Variants in SEC31A observed in about 807,000 individuals in gnomAD.
SEC31A encodes the protein protein transport protein Sec31A.
Under a neutral mutation model 151.0 loss-of-function variants are expected in SEC31A, and 70 were observed. The ratio of observed to expected loss-of-function variants is 0.46; its 90% confidence interval spans 0.38 to 0.57. The LOEUF (loss-of-function observed/expected upper bound fraction) is 0.57. SEC31A is among the 20% of genes least tolerant of loss of function. The pLI is 0.00. For synonymous variants in SEC31A, 475 were observed against 505.9 expected (o/e 0.94, Z 0.82); for missense variants, 1,330 against 1,471.2 (o/e 0.90, Z 1.57).
chr4:82,870,302 T>G, intron 8 of SEC31A, 23 bp downstream of exon 8: 15 of 1,573,040 alleles, frequency 9.5e-6, no homozygotes, highest in Non-Finnish European at 1.3e-5. Flanking sequence ...GCTACAAGGT[T>G]GAGACACATT....
intron 1 of SEC31A, among the ~76,000 whole-genome samples, chr4:82,888,101 G>T (rs1417407958): frequency 6.6e-6 from 1 of 151,488 alleles, no homozygotes; most frequent in Non-Finnish European, 1.5e-5. Context: ...TTAGCCAGGC[G>T]CAGTGGCTCA....
chr4:82,827,745 A>G, intron 23 of SEC31A, 113 bp from the exon 24 acceptor site: 1 of 969,274 alleles, frequency 1.0e-6, no homozygotes, highest in Non-Finnish European at 1.6e-6. Context: ...AAATTTTTTA[A>G]TAGTAGTAGA....
chr4:82,898,600 C>A (rs931147934), intron 3 of SEC31A, among the ~76,000 whole-genome samples: 1 of 152,192 alleles, frequency 6.6e-6, no homozygotes, highest in Admixed American at 6.5e-5. Flanking sequence ...GAAAACAGCC[C>A]TCATTTCAGA....
chr4:82,880,675 A>T lies in SEC31A; in HGVS notation c.203+124T>A, dbSNP rs528802273. On this transcript the variant is annotated intron_variant, in intron 3 of 26. Transcript: ENST00000395310. Reference sequence around the variant, plus strand: ...AAATTCACTCACATGCTTTTTCACAAAATATTTCATGTTCTTGATGGTATT... The same window carrying T: ...AAATTCACTCACATGCTTTTTCACATAATATTTCATGTTCTTGATGGTATT... 4 of 836,528 alleles carry T rather than the reference A, an allele frequency of 4.8e-6. No homozygotes were observed. In the South Asian group the frequency reaches 7.4e-5, roughly 15 times the overall value. The allele number at this position is 836,528 out of a possible 1,614,324, so 51.8% of individuals were successfully genotyped here. A position where few individuals can be genotyped will look rare whatever the true frequency, so the allele number is the denominator to read the frequency against.
chr4:82,854,213 A>G (rs1191250717), intron 17 of SEC31A, among the ~76,000 whole-genome samples: 1 of 152,128 alleles, frequency 6.6e-6, no homozygotes, highest in Non-Finnish European at 1.5e-5. Context: ...AAAATGCAAA[A>G]CTAGCCAGGC....
At chr4:82,839,405 C>G (rs1482723712) in intron 22 of SEC31A, among the ~76,000 whole-genome samples, 1 of 152,224 alleles carries the variant, frequency 6.6e-6, no homozygotes, top group Admixed American at 6.5e-5. Context: ...CCCGCCTTGG[C>G]CTCCCAAAGT....
At position 82,851,415 on chromosome 4, in the gene SEC31A, G is replaced by A; in HGVS notation, c.2328+16C>T. ...CACCTTACTCAAACATTACAAAAAT[G>A]GTCAATTCTAATTACCTGGTTGGTG... On this transcript the variant is annotated intron_variant, in intron 19 of 26. Coordinates refer to ENST00000395310, the MANE Select transcript of SEC31A (RefSeq NM_001077207.4). 1.9e-6 allele frequency: 3 copies of A among 1,601,262 alleles called. No individual in the cohort carries two copies. Among genetic ancestry groups the A allele is most frequent in the South Asian group, 2.2e-5 (2 of 89,780 alleles).
At chr4:82,851,375 G>T in intron 19 of SEC31A, 56 bp downstream of exon 19, 1 of 1,393,544 alleles carries the variant, frequency 7.2e-7, no homozygotes, top group Non-Finnish European at 1.0e-6. Flanking sequence ...AATGCTAAGT[G>T]TTATCTACTG....
upstream of SEC31A, chr4:82,900,568 G>C (rs1720276844): frequency 1.8e-6 from 1 of 550,522 alleles, no homozygotes; most frequent in Non-Finnish European, 3.2e-6. Flanking sequence ...GCGGTCAAAT[G>C]CACGTCTTCA....
Position 82,844,381 on chromosome 4 carries a change from C to T in SEC31A, c.2626+5G>A, listed in dbSNP as rs755943757. The T allele has an allele frequency of 6.2e-7, 1 of 1,613,742 alleles. No homozygotes were observed. The highest frequency in any genetic ancestry group is 2.2e-5 in the East Asian group (1 of 44,864). ...CTGAAAGGACTTTGGGGTCACACTA[C>T]TTACGCTGTGGCTGTGGATAAGGTG... On this transcript the variant is annotated splice_donor_5th_base_variant and intron_variant, in intron 21 of 26. Coordinates refer to ENST00000395310, the MANE Select transcript of SEC31A (RefSeq NM_001077207.4).
intron 7 of SEC31A, among the ~76,000 whole-genome samples, chr4:82,870,649 G>A (rs1736452132): frequency 6.6e-6 from 1 of 152,100 alleles, no homozygotes; most frequent in Non-Finnish European, 1.5e-5. Flanking sequence ...AGTGAGCTGA[G>A]ATTGAGCCAC....
At chr4:82,879,209 A>C (rs1416514625) in intron 3 of SEC31A, among the ~76,000 whole-genome samples, 1 of 152,198 alleles carries the variant, frequency 6.6e-6, no homozygotes, top group African/African-American at 2.4e-5. Context: ...ATATGAGCTT[A>C]AGAATGATTT....
intron 22 of SEC31A, among the ~76,000 whole-genome samples, chr4:82,841,737 C>T (rs1264141364): frequency 4.6e-5 from 7 of 151,386 alleles, no homozygotes; most frequent in African/African-American, 7.3e-5. Context: ...TTTGGGAGGC[C>T]GAAGCGGGTG....
chr4:82,883,810 C>T (rs1315184354), intron 1 of SEC31A, among the ~76,000 whole-genome samples: 1 of 149,686 alleles, frequency 6.7e-6, no homozygotes, highest in Non-Finnish European at 1.5e-5. Context: ...GCCTGGGCGA[C>T]AGAGTGAGAC....
intron 18 of SEC31A, among the ~76,000 whole-genome samples, chr4:82,852,435 C>A (rs929583223): frequency 1.3e-5 from 2 of 152,158 alleles, no homozygotes; most frequent in African/African-American, 4.8e-5. Context: ...CCATTCAATA[C>A]CAAATCTTTC....
chr4:82,820,932 C>T, intron 26 of SEC31A, 105 bp downstream of exon 26: 1 of 848,274 alleles, frequency 1.2e-6, no homozygotes, highest in East Asian at 2.4e-5. Flanking sequence ...AATGTCATGA[C>T]AATTTTGCCC....
At chr4:82,863,619 T>A (rs1734658620) in intron 11 of SEC31A, among the ~76,000 whole-genome samples, 1 of 152,034 alleles carries the variant, frequency 6.6e-6, no homozygotes, top group South Asian at 2.1e-4. Context: ...TTTTTTTAAA[T>A]AAGTTATTTA....
At chr4:82,830,988 T>A (rs899970106) in intron 22 of SEC31A, 39 of 1,183,662 alleles carry the variant, frequency 3.3e-5, no homozygotes, top group Non-Finnish European at 4.0e-5. Context: ...GTAGACAAAA[T>A]GTAAAAATTA....
At chr4:82,832,878 T>C (rs2149083161) in intron 22 of SEC31A, among the ~76,000 whole-genome samples, 1 of 152,166 alleles carries the variant, frequency 6.6e-6, no homozygotes, top group East Asian at 1.9e-4. Context: ...CCAGTTACAA[T>C]GGCGATCATT....
Sources: allele counts gnomAD v4.1 joint callset (sites outside exome capture counted in the v4.1 genomes callset), GRCh38; gene constraint gnomAD v4.1.1; transcripts MANE v1.5; gene names NCBI Gene and HGNC (gene_info 2026-07-23, HGNC 2026-07-21).